CSNK2A2IP: variants seen among roughly 807,000 people sequenced by gnomAD.
CSNK2A2IP encodes the protein casein kinase 2 subunit alpha' interacting protein.
chr3:88,373,369 C>T, the CSNK2A2IP span, among the ~76,000 whole-genome samples: 1 of 150,938 alleles, frequency 6.6e-6, no homozygotes, highest in Admixed American at 6.6e-5. Context: ...CTAATAAACT[C>T]TAAAAATAAT....
At chr3:88,418,994 T>C in the CSNK2A2IP span, among the ~76,000 whole-genome samples, 8 of 152,198 alleles carry the variant, frequency 5.3e-5, no homozygotes, top group African/African-American at 1.7e-4. Flanking sequence ...ACTGTGCATG[T>C]AGGGGATCTA....
chr3:88,414,627 G>T, the CSNK2A2IP span, among the ~76,000 whole-genome samples: 1 of 151,810 alleles, frequency 6.6e-6, no homozygotes, highest in East Asian at 1.9e-4. Flanking sequence ...GAACATTATA[G>T]ATTCCAGGAT....
chr3:88,422,609 T>C, the CSNK2A2IP span, among the ~76,000 whole-genome samples: 2 of 152,318 alleles, frequency 1.3e-5, no homozygotes, highest in South Asian at 4.1e-4. Context: ...GAGGCACATG[T>C]AACTAAGCTT....
At chr3:88,418,436 CAG>C in the CSNK2A2IP span, among the ~76,000 whole-genome samples, 4 of 81,434 alleles carry the variant, frequency 4.9e-5, no homozygotes, top group Non-Finnish European at 1.1e-4. Flanking sequence ...AACTGAATGT[CAG>C]TGTGTGTGTG....
At chr3:88,414,782 A>G in the CSNK2A2IP span, among the ~76,000 whole-genome samples, 1 of 152,030 alleles carries the variant, frequency 6.6e-6, no homozygotes, top group African/African-American at 2.4e-5. Flanking sequence ...AGTACAGTAT[A>G]TTAATCAAAT....
chr3:88,383,439 A>T, the CSNK2A2IP span, among the ~76,000 whole-genome samples: 68,624 of 151,950 alleles, frequency 0.45, 16,484 homozygotes, highest in South Asian at 0.61. Flanking sequence ...ATAAAGGTAA[A>T]ATACATAAAA....
chr3:88,357,286 G>A, the CSNK2A2IP span, among the ~76,000 whole-genome samples: 4 of 151,920 alleles, frequency 2.6e-5, no homozygotes, highest in East Asian at 1.9e-4. Context: ...TTTATATGAC[G>A]TGAGATAGGG....
At chr3:88,391,742 G>A in the CSNK2A2IP span, among the ~76,000 whole-genome samples, 3 of 152,188 alleles carry the variant, frequency 2.0e-5, no homozygotes, top group Admixed American at 1.3e-4. Flanking sequence ...CAGTAAAGGG[G>A]AACTAACTGC....
At chr3:88,384,235 C>T in the CSNK2A2IP span, among the ~76,000 whole-genome samples, 1 of 151,910 alleles carries the variant, frequency 6.6e-6, no homozygotes, top group Non-Finnish European at 1.5e-5. Flanking sequence ...GTGAAAAATG[C>T]TAAGAAAGAA....
At chr3:88,353,464 A>G in the CSNK2A2IP span, among the ~76,000 whole-genome samples, 2 of 152,216 alleles carry the variant, frequency 1.3e-5, no homozygotes, top group Admixed American at 1.3e-4. Context: ...CTGACTCTTC[A>G]GGCCTTTCAC....
At chr3:88,349,698 A>C in the CSNK2A2IP span, among the ~76,000 whole-genome samples, 1 of 152,002 alleles carries the variant, frequency 6.6e-6, no homozygotes, top group Non-Finnish European at 1.5e-5. Flanking sequence ...CTTACTCTTT[A>C]ATGAGTCTCC....
chr3:88,348,607 A>T, the CSNK2A2IP span, among the ~76,000 whole-genome samples: 1 of 152,120 alleles, frequency 6.6e-6, no homozygotes, highest in Non-Finnish European at 1.5e-5. Context: ...TAGTGAGAAC[A>T]TTCAGCTCTC....
At chr3:88,342,731 C>T in the CSNK2A2IP span, among the ~76,000 whole-genome samples, 1 of 150,030 alleles carries the variant, frequency 6.7e-6, no homozygotes, top group East Asian at 2.0e-4. Flanking sequence ...ACCCAAAATG[C>T]AAAACTGTAT....
At chr3:88,361,510 T>G in the CSNK2A2IP span, among the ~76,000 whole-genome samples, 1 of 152,198 alleles carries the variant, frequency 6.6e-6, no homozygotes, top group East Asian at 1.9e-4. Flanking sequence ...ATTTTATGTG[T>G]CATTTTCTTC....
chr3:88,456,836 C>T, the CSNK2A2IP span, among the ~76,000 whole-genome samples: 4 of 152,112 alleles, frequency 2.6e-5, no homozygotes, highest in Non-Finnish European at 4.4e-5. Flanking sequence ...TATGCTAATA[C>T]TAGACTGTTT....
the CSNK2A2IP span, among the ~76,000 whole-genome samples, chr3:88,454,566 T>A: frequency 2.7e-4 from 41 of 152,050 alleles, 1 homozygote; most frequent in East Asian, 7.9e-3. Context: ...AGTAGATCCA[T>A]GATCTTATTA....
chr3:88,449,875 A>AGAGG, the CSNK2A2IP span, among the ~76,000 whole-genome samples: 1 of 88,110 alleles, frequency 1.1e-5, no homozygotes, highest in African/African-American at 3.8e-5. Flanking sequence ...ATATATATAT[A>AGAGG]GAGAGAGAGA....
At chr3:88,374,459 T>C in the CSNK2A2IP span, among the ~76,000 whole-genome samples, 1 of 151,610 alleles carries the variant, frequency 6.6e-6, no homozygotes, top group South Asian at 2.1e-4. Context: ...CTGAATGAGA[T>C]CATCTAGGCA....
At chr3:88,450,840 T>A in the CSNK2A2IP span, among the ~76,000 whole-genome samples, 1 of 152,172 alleles carries the variant, frequency 6.6e-6, no homozygotes, top group Non-Finnish European at 1.5e-5. Flanking sequence ...TATGAGATAG[T>A]GATTTCATTT....
Sources: gnomAD v4.1 joint callset for allele counts (sites outside exome capture counted in the v4.1 genomes callset) on GRCh38, gnomAD v4.1.1 for gene constraint, MANE v1.5 for transcripts, NCBI Gene and HGNC (gene_info 2026-07-23, HGNC 2026-07-21) for gene names.